PTPRD: variants seen among roughly 807,000 people sequenced by gnomAD.
The protein encoded by PTPRD is protein tyrosine phosphatase receptor type D.
PTPRD carries 34 observed loss-of-function variants against 214.5 expected under a neutral mutation model. That is an observed-to-expected ratio of 0.16 (90% CI 0.12 to 0.21). The LOEUF is 0.21. Among genes scored for constraint, PTPRD ranks in the 10% least tolerant of loss-of-function variants. PTPRD has a pLI of 1.00. For missense variants in PTPRD, 2,545 were observed against 2,398.7 expected, an observed-to-expected ratio of 1.06 and a Z score of -1.27; for synonymous variants, 1,128 against 845.7, an observed-to-expected ratio of 1.33 and a Z score of -5.79.
chr9:10,308,845 G>C (rs919990199), intron 3 of PTPRD, among the ~76,000 whole-genome samples: 1 of 151,876 alleles, frequency 6.6e-6, no homozygotes, highest in Non-Finnish European at 1.5e-5. Context: ...TATCAGAATT[G>C]TGTTAACCGG....
intron 3 of PTPRD, among the ~76,000 whole-genome samples, chr9:10,162,685 A>ATG (rs1021460288): frequency 1.0e-4 from 15 of 147,252 alleles, no homozygotes; most frequent in African/African-American, 3.4e-4. Context: ...ACATGTATAT[A>ATG]TGTGTATATA....
At chr9:9,823,751 A>T (rs1317382509) in intron 5 of PTPRD, among the ~76,000 whole-genome samples, 2 of 152,066 alleles carry the variant, frequency 1.3e-5, no homozygotes, top group African/African-American at 4.8e-5. Flanking sequence ...ATAAAGAGGG[A>T]TGGGTCCAAA....
intron 3 of PTPRD, among the ~76,000 whole-genome samples, chr9:10,145,725 A>T (rs533561433): frequency 3.4e-4 from 52 of 152,244 alleles, no homozygotes; most frequent in Admixed American, 1.2e-3. Flanking sequence ...GTATGTGTAT[A>T]AACACATATA....
At chr9:8,457,314 T>C (rs2096244895) in intron 33 of PTPRD, among the ~76,000 whole-genome samples, 1 of 152,134 alleles carries the variant, frequency 6.6e-6, no homozygotes, top group Non-Finnish European at 1.5e-5. Flanking sequence ...CTCTGGAATG[T>C]GTATTTTAAG....
At chr9:8,902,978 G>A (rs936944892) in intron 11 of PTPRD, among the ~76,000 whole-genome samples, 4 of 152,096 alleles carry the variant, frequency 2.6e-5, no homozygotes, top group African/African-American at 9.7e-5. Context: ...TTTTTGGGAA[G>A]TAAGGAAAAT....
chr9:9,941,259 T>C (rs1178815383), intron 4 of PTPRD, among the ~76,000 whole-genome samples: 3 of 152,160 alleles, frequency 2.0e-5, no homozygotes, highest in African/African-American at 7.2e-5. Context: ...TCTGACAGAT[T>C]TGTATGCTCA....
At chr9:8,845,225 C>T (rs2097666043) in intron 11 of PTPRD, among the ~76,000 whole-genome samples, 1 of 151,950 alleles carries the variant, frequency 6.6e-6, no homozygotes, top group African/African-American at 2.4e-5. Flanking sequence ...AGACCTGGTC[C>T]TAACAGTTAA....
At chr9:9,990,184 G>T (rs2095864578) in intron 4 of PTPRD, among the ~76,000 whole-genome samples, 1 of 152,196 alleles carries the variant, frequency 6.6e-6, no homozygotes, top group Admixed American at 6.5e-5. Context: ...GTGGGACCAG[G>T]ACAAGGTCCT....
chr9:8,914,339 A>G (rs1483295761), intron 11 of PTPRD, among the ~76,000 whole-genome samples: 1 of 152,170 alleles, frequency 6.6e-6, no homozygotes, highest in East Asian at 1.9e-4. Flanking sequence ...TTACCAAATA[A>G]CAATATTACA....
chr9:9,238,452 G>C (rs1208512898), intron 9 of PTPRD, among the ~76,000 whole-genome samples: 1 of 152,074 alleles, frequency 6.6e-6, no homozygotes, highest in Non-Finnish European at 1.5e-5. Context: ...TTAACCCTTT[G>C]TCTCTTTTTC....
chr9:9,237,485 A>G (rs900763849), intron 9 of PTPRD, among the ~76,000 whole-genome samples: 5 of 152,114 alleles, frequency 3.3e-5, no homozygotes, highest in Admixed American at 2.6e-4. Context: ...CTGAGTATTT[A>G]AAAAACCGAC....
chr9:10,134,789 A>G (rs539956100), intron 3 of PTPRD, among the ~76,000 whole-genome samples: 14 of 152,292 alleles, frequency 9.2e-5, no homozygotes, highest in Admixed American at 7.2e-4. Context: ...GAATTAGTAC[A>G]TTAACTACGG....
chr9:9,364,975 T>C lies in PTPRD; in HGVS notation c.-203+32474A>G, dbSNP rs75989366. Among the ~76,000 whole-genome samples the C allele has an allele frequency of 5.4e-3, 815 of 151,566 alleles. 6 individuals are homozygous for C. Among genetic ancestry groups the C allele is most frequent in the Non-Finnish European group, 9.6e-3 (649 of 67,634 alleles). ...AGGATAAGGTTAAGTTCTAGGTACA[T>C]TGAGATTGTACATCTCACAGGATTC... is the stretch of plus-strand genomic sequence containing the variant. On this transcript the variant is annotated intron_variant, in intron 9 of 45. Coordinates refer to ENST00000381196, the MANE Select transcript of PTPRD (RefSeq NM_002839.4).
chr9:8,686,500 C>T (rs1406217374), intron 12 of PTPRD, among the ~76,000 whole-genome samples: 1 of 152,124 alleles, frequency 6.6e-6, no homozygotes, highest in Non-Finnish European at 1.5e-5. Context: ...TGAACACCTC[C>T]TACATTTCAG....
chr9:9,920,012 T>C (rs971816466), intron 5 of PTPRD, among the ~76,000 whole-genome samples: 4 of 152,070 alleles, frequency 2.6e-5, no homozygotes, highest in African/African-American at 9.7e-5. Context: ...TAATCAAAGA[T>C]CTTTTCTTGA....
chr9:8,363,987 A>G (rs2079139015), intron 39 of PTPRD, among the ~76,000 whole-genome samples: 2 of 152,242 alleles, frequency 1.3e-5, no homozygotes, highest in Non-Finnish European at 2.9e-5. Context: ...GTACCTTATT[A>G]ATGCCAGTTA....
intron 35 of PTPRD, among the ~76,000 whole-genome samples, chr9:8,409,915 T>C (rs996404349): frequency 6.6e-6 from 1 of 152,204 alleles, no homozygotes; most frequent in African/African-American, 2.4e-5. Flanking sequence ...AATTGAACTT[T>C]CAATGACCTT....
chr9:9,276,194 G>T (rs1945569230), intron 9 of PTPRD, among the ~76,000 whole-genome samples: 1 of 151,222 alleles, frequency 6.6e-6, no homozygotes, highest in Admixed American at 6.6e-5. Context: ...TGAATTTTTT[G>T]AATCTGATGA....
chr9:8,352,946 A>G (rs933706231), intron 39 of PTPRD, among the ~76,000 whole-genome samples: 1 of 152,062 alleles, frequency 6.6e-6, no homozygotes, highest in Non-Finnish European at 1.5e-5. Flanking sequence ...CCCCGTCTCT[A>G]CTAAAACTAC....
Sources: allele counts gnomAD v4.1 joint callset (sites outside exome capture counted in the v4.1 genomes callset), GRCh38; gene constraint gnomAD v4.1.1; transcripts MANE v1.5; gene names NCBI Gene and HGNC (gene_info 2026-07-23, HGNC 2026-07-21).